The following PCCB variants were observed in gnomAD, a reference collection of about 807,000 sequenced individuals.
The protein encoded by PCCB is propionyl-CoA carboxylase beta chain, mitochondrial.
A neutral mutation model predicts 60.7 loss-of-function variants in PCCB; 43 were observed. The ratio of observed to expected loss-of-function variants is 0.71; its 90% confidence interval spans 0.55 to 0.91. The LOEUF is 0.91. Among genes scored for constraint, PCCB ranks in the 40% least tolerant of loss-of-function variants. The pLI, the probability that PCCB is intolerant of heterozygous loss-of-function variation, is 0.00. For synonymous variants in PCCB, 276 were observed against 255.9 expected (o/e 1.08, Z -0.75); for missense variants, 766 against 702.8 (o/e 1.09, Z -1.02).
Position 136,329,993 on chromosome 3 carries a change from T to C in PCCB, c.1587T>C (p.Arg529=), listed in dbSNP as rs773165942. 5.6e-6 allele frequency: 9 copies of C among 1,613,966 alleles called. No individual in the cohort carries two copies. The highest frequency in any genetic ancestry group is 7.6e-6 in the Non-Finnish European group (9 of 1,180,002). ...LDVLASKKVQ[R]PWRKHANIPL is the part of the protein sequence containing the mutation. ...TCTTGGCCAGCAAGAAGGTACAACG[T>C]CCTTGGAGAAAACATGCAAATATTC... is the stretch of plus-strand genomic sequence containing the variant. Residue 529 remains arginine (R), a synonymous_variant, in exon 15 of 15, where the codon CGT becomes CGC. Coordinates refer to ENST00000251654, the MANE Select transcript of PCCB (RefSeq NM_000532.5).
intron 3 of PCCB, among the ~76,000 whole-genome samples, chr3:136,259,492 A>G (rs1396042516): frequency 2.0e-5 from 3 of 152,156 alleles, no homozygotes; most frequent in African/African-American, 4.8e-5. Context: ...AAAACAGTAA[A>G]TATTTCTTAA....
intron 5 of PCCB, among the ~76,000 whole-genome samples, chr3:136,281,366 C>CT (rs1330667238): frequency 6.6e-6 from 1 of 151,126 alleles, no homozygotes; most frequent in African/African-American, 2.4e-5. Context: ...TTTCCTGATC[C>CT]TTTTTTCTGC....
chr3:136,320,904 T>C (rs1459942821), intron 10 of PCCB, among the ~76,000 whole-genome samples: 1 of 152,236 alleles, frequency 6.6e-6, no homozygotes, highest in Non-Finnish European at 1.5e-5. Flanking sequence ...TTGTTCCTCA[T>C]GTTAAGGGAG....
chr3:136,285,305 A>G (rs1282707186), intron 6 of PCCB, among the ~76,000 whole-genome samples: 2 of 152,102 alleles, frequency 1.3e-5, no homozygotes, highest in Non-Finnish European at 2.9e-5. Flanking sequence ...ACATTGCTGA[A>G]TATAACTCTC....
intron 5 of PCCB, among the ~76,000 whole-genome samples, chr3:136,274,058 T>C (rs1942277925): frequency 6.6e-6 from 1 of 152,156 alleles, no homozygotes; most frequent in African/African-American, 2.4e-5. Context: ...AGCAGATATT[T>C]GGTTTGTGAT....
At chr3:136,290,013 A>T (rs1933601364) in intron 6 of PCCB, among the ~76,000 whole-genome samples, 1 of 152,214 alleles carries the variant, frequency 6.6e-6, no homozygotes, top group African/African-American at 2.4e-5. Context: ...CGATGTGCAC[A>T]TAATTCAATT....
intron 5 of PCCB, among the ~76,000 whole-genome samples, chr3:136,264,458 A>ATATATATATATATATG (rs1560000174): frequency 2.4e-4 from 35 of 148,274 alleles, no homozygotes; most frequent in African/African-American, 8.4e-4. Context: ...GTATATATAT[A>ATATATATATATATATG]TATGTTCCTC....
intron 11 of PCCB, 119 bp from the exon 12 acceptor site, chr3:136,327,036 G>T (rs1263544344): frequency 6.1e-6 from 7 of 1,142,116 alleles, no homozygotes; most frequent in African/African-American, 1.5e-5. Flanking sequence ...TGGGTGTCCA[G>T]AAGATAGGGC....
chr3:136,329,877 A>G, intron 14 of PCCB, 28 bp from the exon 15 acceptor site: 2 of 1,613,778 alleles, frequency 1.2e-6, no homozygotes, highest in East Asian at 2.2e-5. Context: ...GATGCAGATG[A>G]TCCACTCCCT....
intron 10 of PCCB, among the ~76,000 whole-genome samples, chr3:136,323,850 T>C (rs1935198652): frequency 6.6e-6 from 1 of 152,006 alleles, no homozygotes; most frequent in Non-Finnish European, 1.5e-5. Context: ...TATAGTCTTT[T>C]TCTAGTAAGT....
At chr3:136,310,270 G>T (rs1452416197) in intron 9 of PCCB, among the ~76,000 whole-genome samples, 1 of 152,110 alleles carries the variant, frequency 6.6e-6, no homozygotes, top group Non-Finnish European at 1.5e-5. Flanking sequence ...GGCTGAGGCA[G>T]GAGAATTGCT....
At chr3:136,315,401 C>T (rs1934848771) in intron 9 of PCCB, among the ~76,000 whole-genome samples, 2 of 152,078 alleles carry the variant, frequency 1.3e-5, no homozygotes, top group African/African-American at 2.4e-5. Context: ...CATGGTGGTG[C>T]GTGCCTGTAG....
At chr3:136,318,645 A>T (rs1302203084) in intron 10 of PCCB, among the ~76,000 whole-genome samples, 1 of 152,228 alleles carries the variant, frequency 6.6e-6, no homozygotes, top group Non-Finnish European at 1.5e-5. Context: ...AAATGGAATC[A>T]TACAGTGTTT....
At chr3:136,272,381 T>C (rs1235571907) in intron 5 of PCCB, among the ~76,000 whole-genome samples, 1 of 152,144 alleles carries the variant, frequency 6.6e-6, no homozygotes, top group African/African-American at 2.4e-5. Flanking sequence ...ATAGAATGAT[T>C]TAGGAAGGAT....
At chr3:136,285,644 C>G (rs1157147084) in intron 6 of PCCB, among the ~76,000 whole-genome samples, 1 of 152,012 alleles carries the variant, frequency 6.6e-6, no homozygotes, top group Non-Finnish European at 1.5e-5. Flanking sequence ...CCCTTGGCTT[C>G]CATTATACCA....
At chr3:136,319,479 C>A (rs189814591) in intron 10 of PCCB, among the ~76,000 whole-genome samples, 1 of 151,064 alleles carries the variant, frequency 6.6e-6, no homozygotes, top group Non-Finnish European at 1.5e-5. Context: ...TTATTGCAAT[C>A]TCTGTGCCCC....
At chr3:136,286,404 AATTTC>A (rs1190926653) in intron 6 of PCCB, among the ~76,000 whole-genome samples, 77 of 152,308 alleles carry the variant, frequency 5.1e-4, no homozygotes, top group Non-Finnish European at 3.2e-4. Flanking sequence ...AGCCTACCAG[AATTTC>A]CATTTGGACT....
At chr3:136,269,063 C>G (rs1942116296) in intron 5 of PCCB, among the ~76,000 whole-genome samples, 1 of 151,978 alleles carries the variant, frequency 6.6e-6, no homozygotes, top group African/African-American at 2.4e-5. Flanking sequence ...GGGGGATCAC[C>G]TGAGGTCACA....
At chr3:136,311,937 C>A (rs1934685005) in intron 9 of PCCB, among the ~76,000 whole-genome samples, 1 of 152,076 alleles carries the variant, frequency 6.6e-6, no homozygotes, top group Non-Finnish European at 1.5e-5. Context: ...AAAACTAGAA[C>A]TAGATAAGTT....
Sources: gnomAD v4.1 joint callset for allele counts (sites outside exome capture counted in the v4.1 genomes callset) on GRCh38, gnomAD v4.1.1 for gene constraint, MANE v1.5 for transcripts, NCBI Gene and HGNC (gene_info 2026-07-23, HGNC 2026-07-21) for gene names.